The following ZFHX3 variants were observed in gnomAD, a reference collection of about 807,000 sequenced individuals.
The protein encoded by ZFHX3 is zinc finger homeobox protein 3.
ZFHX3 carries 42 observed loss-of-function variants against 279.1 expected under a neutral mutation model. The ratio of observed to expected loss-of-function variants is 0.15; its 90% CI spans 0.12 to 0.19. The LOEUF (loss-of-function observed/expected upper bound fraction) is 0.19, where lower values mean the gene tolerates loss of function less well. Ranked by LOEUF, ZFHX3 falls within the 10% of genes least tolerant of loss-of-function variation. The pLI is 1.00. For synonymous variants in ZFHX3, 2,293 were observed against 1,957.8 expected (o/e 1.17, Z -4.52); for missense variants, 4,981 against 4,754.0 (o/e 1.05, Z -1.40).
At chr16:73,442,728 C>T (rs1481744217) in intron 3 of ZFHX3, among the ~76,000 whole-genome samples, 1 of 151,990 alleles carries the variant, frequency 6.6e-6, no homozygotes, top group Non-Finnish European at 1.5e-5. Context: ...AATTTTTTGC[C>T]AAAAGGGCCA....
At chr16:73,227,370 G>T (rs2012628334) in intron 5 of ZFHX3, among the ~76,000 whole-genome samples, 1 of 152,300 alleles carries the variant, frequency 6.6e-6, no homozygotes, top group South Asian at 2.1e-4. Context: ...CAAGCTCCAG[G>T]TAGAGTGCAG....
chr16:73,070,881 C>T (rs1292330166), intron 8 of ZFHX3, among the ~76,000 whole-genome samples: 2 of 149,830 alleles, frequency 1.3e-5, no homozygotes, highest in Non-Finnish European at 3.0e-5. Flanking sequence ...CCTTTGTTTT[C>T]TTTTCCCCTT....
intron 7 of ZFHX3, among the ~76,000 whole-genome samples, chr16:73,115,312 A>T (rs940702630): frequency 2.2e-5 from 3 of 138,228 alleles, no homozygotes; most frequent in Non-Finnish European, 4.6e-5. Context: ...AGGCTTAGGC[A>T]GGAGGCTCGC....
chr16:73,440,263 C>T (rs1429089552), intron 3 of ZFHX3, among the ~76,000 whole-genome samples: 1 of 152,132 alleles, frequency 6.6e-6, no homozygotes, highest in Non-Finnish European at 1.5e-5. Flanking sequence ...CAATCAATAC[C>T]GTGTTACTGA....
exon 1 of ZFHX3, chr16:73,059,182 G>A (rs977722429): frequency 1.3e-5 from 2 of 148,386 alleles, no homozygotes; most frequent in African/African-American, 5.0e-5. Flanking sequence ...AAAGAAAAGG[G>A]GGAGGTGGAG....
chr16:73,148,523 C>T (rs932301599), intron 5 of ZFHX3, among the ~76,000 whole-genome samples: 9 of 146,790 alleles, frequency 6.1e-5, no homozygotes, highest in Non-Finnish European at 8.9e-5. Flanking sequence ...AAAGAATGGC[C>T]GCAAATGCGC....
intron 2 of ZFHX3, among the ~76,000 whole-genome samples, chr16:73,525,758 T>C (rs1481973788): frequency 6.6e-6 from 1 of 152,212 alleles, no homozygotes; most frequent in Non-Finnish European, 1.5e-5. Flanking sequence ...GCTTAATCAC[T>C]TGTACAAAAT....
At chr16:73,158,789 T>C (rs896873355) in intron 5 of ZFHX3, among the ~76,000 whole-genome samples, 2 of 152,092 alleles carry the variant, frequency 1.3e-5, no homozygotes, top group Non-Finnish European at 2.9e-5. Flanking sequence ...ACCACAACCA[T>C]CTGATCTTTG....
chr16:73,378,001 C>CCAGCAGTGGGTGA (rs1189581482), intron 3 of ZFHX3, among the ~76,000 whole-genome samples: 1 of 124,802 alleles, frequency 8.0e-6, no homozygotes, highest in Non-Finnish European at 1.6e-5. Context: ...CCACTGCACT[C>CCAGCAGTGGGTGA]CAGCCTGGGT....
intron 5 of ZFHX3, among the ~76,000 whole-genome samples, chr16:73,184,462 G>A (rs1004235791): frequency 2.6e-5 from 4 of 152,190 alleles, no homozygotes; most frequent in Non-Finnish European, 5.9e-5. Flanking sequence ...TGTGTTTATG[G>A]CTTGGCTGCT....
intron 3 of ZFHX3, among the ~76,000 whole-genome samples, chr16:73,319,102 A>G (rs1597282060): frequency 1.1e-5 from 1 of 91,000 alleles, no homozygotes; most frequent in Non-Finnish European, 2.4e-5. Flanking sequence ...AGGGGAGGGG[A>G]GGTGTGGAAT....
chr16:72,851,397 C>T (rs540691006), intron 4 of ZFHX3, among the ~76,000 whole-genome samples: 9 of 152,310 alleles, frequency 5.9e-5, no homozygotes, highest in Admixed American at 1.3e-4. Flanking sequence ...CTCAACACCA[C>T]GGCGAGTCTT....
intron 7 of ZFHX3, chr16:73,125,081 C>G (rs1046542187): frequency 4.0e-5 from 6 of 151,784 alleles, no homozygotes; most frequent in African/African-American, 1.5e-4. Flanking sequence ...GATTTAAAAG[C>G]AATAATGCAT....
intron 2 of ZFHX3, among the ~76,000 whole-genome samples, chr16:73,584,106 T>C (rs2051892579): frequency 6.6e-6 from 1 of 152,134 alleles, no homozygotes; most frequent in South Asian, 2.1e-4. Flanking sequence ...GAATAACTCA[T>C]GCAGAGCATA....
chr16:73,051,993 C>T (rs1218984363), upstream of ZFHX3, among the ~76,000 whole-genome samples: 1 of 152,144 alleles, frequency 6.6e-6, no homozygotes, highest in Admixed American at 6.5e-5. Flanking sequence ...CCATACATTA[C>T]AGGAGAGAGA....
At chr16:73,556,888 G>T (rs887092199) in intron 2 of ZFHX3, among the ~76,000 whole-genome samples, 1 of 151,836 alleles carries the variant, frequency 6.6e-6, no homozygotes, top group Non-Finnish European at 1.5e-5. Context: ...GAGGTCAAGG[G>T]ATCGAGACCA....
intron 3 of ZFHX3, among the ~76,000 whole-genome samples, chr16:73,453,603 A>G (rs1314550096): frequency 1.3e-5 from 2 of 152,162 alleles, no homozygotes; most frequent in Non-Finnish European, 2.9e-5. Flanking sequence ...CGTCTCAAAC[A>G]TTTCAGACAG....
At chr16:73,307,904 G>C (rs1427323250) in intron 4 of ZFHX3, among the ~76,000 whole-genome samples, 1 of 152,058 alleles carries the variant, frequency 6.6e-6, no homozygotes, top group Non-Finnish European at 1.5e-5. Context: ...ATGAGCAATT[G>C]CCTTTACAGG....
chr16:73,448,030 C>T (rs2018216927), intron 3 of ZFHX3, among the ~76,000 whole-genome samples: 1 of 152,076 alleles, frequency 6.6e-6, no homozygotes, highest in African/African-American at 2.4e-5. Flanking sequence ...AAGCAGTCGC[C>T]AATAAGGACA....
Sources: gnomAD v4.1 joint callset for allele counts (sites outside exome capture counted in the v4.1 genomes callset) on GRCh38, gnomAD v4.1.1 for gene constraint, MANE v1.5 for transcripts, NCBI Gene and HGNC (gene_info 2026-07-23, HGNC 2026-07-21) for gene names.